Variants in PCDHGB5 observed in about 807,000 individuals in gnomAD.
PCDHGB5 encodes protocadherin gamma-B5.
In PCDHGB5, 48 loss-of-function variants were observed where a neutral mutation model predicts 62.9. That is an observed-to-expected ratio of 0.76 (90% CI 0.61 to 0.97). The LOEUF (loss-of-function observed/expected upper bound fraction) is 0.97, where lower values mean the gene tolerates loss of function less well. Ranked by LOEUF, PCDHGB5 falls within the 50% of genes least tolerant of loss-of-function variation. The pLI, the probability that PCDHGB5 is intolerant of heterozygous loss-of-function variation, is 0.00. For missense variants in PCDHGB5, 1,118 were observed against 1,198.6 expected, an observed-to-expected ratio of 0.93 and a Z score of 0.99; for synonymous variants, 474 against 511.2, an observed-to-expected ratio of 0.93 and a Z score of 0.98.
intron 1 of PCDHGB5, among the ~76,000 whole-genome samples, chr5:141,447,632 T>G (rs931349669): frequency 9.2e-5 from 14 of 152,160 alleles, no homozygotes; most frequent in Non-Finnish European, 2.1e-4. Flanking sequence ...ACCAACAGTA[T>G]GAATGATGGT....
At chr5:141,495,910 A>C (rs2154591812) in intron 2 of PCDHGB5, among the ~76,000 whole-genome samples, 1 of 151,278 alleles carries the variant, frequency 6.6e-6, no homozygotes, top group East Asian at 1.9e-4. Flanking sequence ...GTCTCTGTAT[A>C]TCTTTCTTTG....
At chr5:141,444,129 T>C (rs897901109) in intron 1 of PCDHGB5, among the ~76,000 whole-genome samples, 3 of 147,096 alleles carry the variant, frequency 2.0e-5, no homozygotes, top group African/African-American at 5.0e-5. Context: ...TCTCAACAGA[T>C]ATGTGTCACT....
rs200868391 is a variant in PCDHGB5 at position 141,415,586 on chromosome 5, C to T, written c.2397+15062C>T. 540 of 1,613,746 alleles carry T rather than the reference C, an allele frequency of 3.3e-4. No individual in the cohort carries two copies. Among genetic ancestry groups the T allele is most frequent in the Non-Finnish European group, 4.5e-4 (527 of 1,179,996 alleles). ...TCTTTGTTAGATGATTCGAAGTTTCCTATAGAGGATACCCCATTGGTTCCA... is the reference window on the plus strand; with the variant it reads ...TCTTTGTTAGATGATTCGAAGTTTCTTATAGAGGATACCCCATTGGTTCCA... On this transcript the variant is annotated intron_variant, in intron 1 of 3. Coordinates refer to ENST00000617380, the MANE Select transcript of PCDHGB5 (RefSeq NM_018925.3).
intron 1 of PCDHGB5, among the ~76,000 whole-genome samples, chr5:141,458,215 T>C (rs2098940075): frequency 1.3e-5 from 2 of 152,174 alleles, no homozygotes; most frequent in African/African-American, 2.4e-5. Context: ...TTAAAATAAG[T>C]TTCCTTTCCC....
intron 2 of PCDHGB5, among the ~76,000 whole-genome samples, chr5:141,496,279 G>C (rs902362885): frequency 1.3e-5 from 2 of 152,198 alleles, no homozygotes; most frequent in Non-Finnish European, 2.9e-5. Context: ...ACCTTCAGTT[G>C]GTCTGAGCAG....
chr5:141,450,491 G>C (rs1264524088), intron 1 of PCDHGB5, among the ~76,000 whole-genome samples: 1 of 151,896 alleles, frequency 6.6e-6, no homozygotes, highest in Non-Finnish European at 1.5e-5. Context: ...TTGTTTGTCT[G>C]TTTGTTTGTT....
chr5:141,492,894 G>A (rs2099744893), intron 1 of PCDHGB5, among the ~76,000 whole-genome samples: 1 of 152,202 alleles, frequency 6.6e-6, no homozygotes, highest in Admixed American at 6.5e-5. Flanking sequence ...GGCTTTTGGC[G>A]CCGTCGTGAT....
At chr5:141,450,225 C>A (rs1294362576) in intron 1 of PCDHGB5, among the ~76,000 whole-genome samples, 1 of 151,976 alleles carries the variant, frequency 6.6e-6, no homozygotes, top group Non-Finnish European at 1.5e-5. Flanking sequence ...ACTATGTTGG[C>A]CAGGCTAGTC....
At position 141,472,488 on chromosome 5, in the gene PCDHGB5, C is replaced by T. The variant is rs183545662; in HGVS notation, c.2398-22319C>T. 4.0e-3 allele frequency among the ~76,000 whole-genome samples: 607 copies of T among 151,768 alleles called. 6 individuals carry two copies. The highest frequency in any genetic ancestry group is 0.011 in the Admixed American group (174 of 15,254). On this transcript the variant is annotated intron_variant, in intron 1 of 3. Coordinates refer to ENST00000617380, the MANE Select transcript of PCDHGB5 (RefSeq NM_018925.3). Reference sequence around the variant, plus strand: ...CCAGAAGGCAGAGCTTGCAGTGAGACGAGATCGTGCCACTGCACTCCAGCC... The same window carrying T: ...CCAGAAGGCAGAGCTTGCAGTGAGATGAGATCGTGCCACTGCACTCCAGCC...
rs1457099502 is a variant in PCDHGB5 at position 141,477,430 on chromosome 5, A to G, written c.2398-17377A>G. The G allele has an allele frequency of 1.2e-6, 2 of 1,614,162 alleles. No individual in the cohort carries two copies. The highest frequency in any genetic ancestry group is 1.7e-6 in the Non-Finnish European group (2 of 1,180,020). Reference sequence around the variant, plus strand: ...GAGACGCCGGAACCCCTTCCCTCTCAGCCCTTACAATAGTGCGTGTTCAAG... The same window carrying G: ...GAGACGCCGGAACCCCTTCCCTCTCGGCCCTTACAATAGTGCGTGTTCAAG... On this transcript the variant is annotated intron_variant, in intron 1 of 3. Transcript: ENST00000617380. This position sits in a 1 kb window ranked among gnomAD's most constrained non-coding sequence, Gnocchi z 4.9.
At chr5:141,404,910 CT>C (rs1185141572) in intron 1 of PCDHGB5, 10 of 1,613,936 alleles carry the variant, frequency 6.2e-6, no homozygotes, top group Non-Finnish European at 8.5e-6. Flanking sequence ...GGCCAGCCCC[CT>C]CTCTCGGCCA....
At chr5:141,478,719 T>C in intron 1 of PCDHGB5, 1 of 1,543,882 alleles carries the variant, frequency 6.5e-7, no homozygotes, top group South Asian at 1.2e-5. Context: ...GATGGTGGCC[T>C]GCCAGAGTGT....
Position 141,511,913 on chromosome 5 carries a change from A to G in PCDHGB5, c.*740A>G, listed in dbSNP as rs1190072814. On this transcript the variant is annotated 3_prime_UTR_variant, in exon 4 of 4. Coordinates refer to ENST00000617380, the MANE Select transcript of PCDHGB5 (RefSeq NM_018925.3). ...CCCCCACCTCCTCCTCAAACAAGAG[A>G]CTCCACTGCATGTTCCAAGACAGTA... is the stretch of plus-strand genomic sequence containing the variant. The G allele has an allele frequency of 6.4e-6, 1 of 156,050 alleles. No individual in the cohort carries two copies. The highest frequency in any genetic ancestry group is 2.4e-5 in the African/African-American group (1 of 41,402). The allele number at this position is 156,050 out of a possible 1,614,324, so 9.7% of individuals were successfully genotyped here.
At position 141,511,399 on chromosome 5, in the gene PCDHGB5, A is replaced by C; in HGVS notation, c.*226A>C. 1.0e-6 allele frequency: 1 copy of C among 987,714 alleles called. No homozygotes were observed. The highest frequency in any genetic ancestry group is 1.4e-6 in the Non-Finnish European group (1 of 693,342). The allele number at this position is 987,714 out of a possible 1,614,324, so 61.2% of individuals were successfully genotyped here. ...CAGTTCCGCTGGGAACCCCCATCCA[A>C]TCAACTGCTGTACCCATGGGGGTAG... On this transcript the variant is annotated 3_prime_UTR_variant, in exon 4 of 4. Transcript: ENST00000617380.
chr5:141,507,113 C>G (rs1401559943), intron 3 of PCDHGB5: 1 of 152,220 alleles, frequency 6.6e-6, no homozygotes, highest in Non-Finnish European at 1.5e-5. Context: ...GGGACCATGG[C>G]TGCCTTTGGA....
chr5:141,477,431 G>T lies in PCDHGB5; in HGVS notation c.2398-17376G>T. 3 of 1,614,080 alleles carry T rather than the reference G, an allele frequency of 1.9e-6. No homozygotes were observed. The highest frequency in any genetic ancestry group is 2.5e-6 in the Non-Finnish European group (3 of 1,180,012). On this transcript the variant is annotated intron_variant, in intron 1 of 3. Transcript: ENST00000617380. This position sits in a 1 kb window ranked among gnomAD's most constrained non-coding sequence, Gnocchi z 4.9. ...AGACGCCGGAACCCCTTCCCTCTCA[G>T]CCCTTACAATAGTGCGTGTTCAAGT...
In PCDHGB5 at chr5:141,477,073, G is replaced by A. The variant is rs755445666; in HGVS notation, c.2398-17734G>A. The A allele has an allele frequency of 1.2e-6, 2 of 1,614,264 alleles. No homozygotes were observed. The highest frequency in any genetic ancestry group is 2.2e-5 in the East Asian group (1 of 44,882). On this transcript the variant is annotated intron_variant, in intron 1 of 3. Coordinates refer to ENST00000617380, the MANE Select transcript of PCDHGB5 (RefSeq NM_018925.3). This position sits in a 1 kb window ranked among gnomAD's most constrained non-coding sequence, Gnocchi z 4.9. ...ACTTCGAGGACACCAAACTCCATGA[G>A]ATTTACATCCAGGCCAAAGACAAGG...
Position 141,427,885 on chromosome 5 carries a change from ACCAGGGCTCGC to A in PCDHGB5, c.2397+27364_2397+27374del, listed in dbSNP as rs772694818. 4 of 1,565,134 alleles carry A rather than the reference ACCAGGGCTCGC, an allele frequency of 2.6e-6. No homozygotes were observed. In the East Asian group the frequency reaches 6.7e-5, roughly 26 times the overall value. ...TTCGAGCTCACGATGCAGGCCCACGACCAGGGCTCGCCCGCGCTCAGCGCCAACATGAGCCG... is the reference window on the plus strand; with the variant it reads ...TTCGAGCTCACGATGCAGGCCCACGACCGCGCTCAGCGCCAACATGAGCCG... On this transcript the variant is annotated intron_variant, in intron 1 of 3. Coordinates refer to ENST00000617380, the MANE Select transcript of PCDHGB5 (RefSeq NM_018925.3).
At chr5:141,415,344 G>A in intron 1 of PCDHGB5, 15 of 1,614,238 alleles carry the variant, frequency 9.3e-6, no homozygotes, top group Non-Finnish European at 1.3e-5. Flanking sequence ...TGCGGCGCTG[G>A]CACAAGTCAC....
Sources: gnomAD v4.1 joint callset for allele counts (sites outside exome capture counted in the v4.1 genomes callset) on GRCh38, gnomAD v4.1.1 for gene constraint, Gnocchi (gnomAD v3.1) non-coding constraint, MANE v1.5 for transcripts, NCBI Gene and HGNC (gene_info 2026-07-23, HGNC 2026-07-21) for gene names.